TCF12: variants seen among roughly 807,000 people sequenced by gnomAD.
TCF12 encodes DNA-binding protein HTF4.
In TCF12, 45 loss-of-function variants were observed where a neutral mutation model predicts 86.0. The ratio of observed to expected loss-of-function variants is 0.52; its 90% CI spans 0.41 to 0.67. The LOEUF (loss-of-function observed/expected upper bound fraction) is 0.67. Ranked by LOEUF, TCF12 falls within the 30% of genes least tolerant of loss-of-function variation. The pLI is 0.00. For synonymous variants in TCF12, 330 were observed against 299.6 expected, an observed-to-expected ratio of 1.10 and a Z score of -1.05; for missense variants, 881 against 859.9, an observed-to-expected ratio of 1.02 and a Z score of -0.31.
chr15:56,926,567 T>G (rs1595708413), intron 3 of TCF12, among the ~76,000 whole-genome samples: 1 of 152,110 alleles, frequency 6.6e-6, no homozygotes, highest in East Asian at 1.9e-4. Flanking sequence ...AGCTGAGGAA[T>G]AGCATGAGGA....
chr15:57,277,877 C>T (rs1205409792), intron 19 of TCF12, among the ~76,000 whole-genome samples: 1 of 151,622 alleles, frequency 6.6e-6, no homozygotes, highest in African/African-American at 2.4e-5. Flanking sequence ...AAGATTGAGG[C>T]TGCAGTGAGC....
chr15:57,208,621 G>A (rs1172401543), intron 8 of TCF12, among the ~76,000 whole-genome samples: 2 of 151,730 alleles, frequency 1.3e-5, no homozygotes, highest in Admixed American at 1.3e-4. Context: ...CTGGACTCAA[G>A]CGATCCACCC....
chr15:56,919,742 G>T (rs906726008), intron 1 of TCF12, 150 bp from the exon 2 acceptor site: 3 of 618,702 alleles, frequency 4.8e-6, no homozygotes, highest in South Asian at 2.1e-5. Context: ...CCCGCCCCTT[G>T]CTCGCGCCGC....
intron 8 of TCF12, among the ~76,000 whole-genome samples, chr15:57,216,814 G>A (rs1247851455): frequency 1.3e-5 from 2 of 151,936 alleles, no homozygotes; most frequent in African/African-American, 2.4e-5. Flanking sequence ...TTTTTTGGGG[G>A]GTAAGGCAGA....
intron 6 of TCF12, among the ~76,000 whole-genome samples, chr15:57,179,297 C>T (rs2056171930): frequency 6.6e-6 from 1 of 152,082 alleles, no homozygotes; most frequent in African/African-American, 2.4e-5. Context: ...CCAGCCTGGC[C>T]AGCATAGTGA....
At chr15:57,195,328 T>G (rs1434248470) in intron 7 of TCF12, among the ~76,000 whole-genome samples, 2 of 152,170 alleles carry the variant, frequency 1.3e-5, no homozygotes, top group Non-Finnish European at 2.9e-5. Context: ...AAAAGAAAAA[T>G]TTCTTTTCAC....
intron 8 of TCF12, among the ~76,000 whole-genome samples, chr15:57,212,036 C>A (rs1044147760): frequency 2.0e-4 from 31 of 151,580 alleles, no homozygotes; most frequent in African/African-American, 7.5e-4. Context: ...CACCTGGTAT[C>A]ATCTATGCCA....
intron 6 of TCF12, among the ~76,000 whole-genome samples, chr15:57,187,064 C>T (rs1245032740): frequency 2.0e-5 from 3 of 151,952 alleles, no homozygotes; most frequent in Non-Finnish European, 4.4e-5. Flanking sequence ...ATCTGTAATC[C>T]CACTCCTTAG....
intron 5 of TCF12, among the ~76,000 whole-genome samples, chr15:57,116,141 G>A (rs1199474374): frequency 6.6e-6 from 1 of 152,104 alleles, no homozygotes; most frequent in Non-Finnish European, 1.5e-5. Context: ...CTTTTTACTT[G>A]ACACTATCAG....
chr15:57,062,363 C>G (rs1307406389), intron 3 of TCF12, among the ~76,000 whole-genome samples: 1 of 152,014 alleles, frequency 6.6e-6, no homozygotes, highest in African/African-American at 2.4e-5. Flanking sequence ...TTCACGTAAT[C>G]TCTGTGTTTT....
chr15:57,122,376 A>G (rs2051302191), intron 5 of TCF12, among the ~76,000 whole-genome samples: 1 of 152,186 alleles, frequency 6.6e-6, no homozygotes, highest in Non-Finnish European at 1.5e-5. Context: ...TGTAATTCTC[A>G]TTATAATGAT....
chr15:57,164,692 T>C (rs1393674716), intron 5 of TCF12, among the ~76,000 whole-genome samples: 2 of 152,140 alleles, frequency 1.3e-5, no homozygotes, highest in Admixed American at 6.5e-5. Flanking sequence ...TTTTTTGTTT[T>C]TTGTTTTGAG....
chr15:57,248,057 A>ACT (rs1566981078), intron 13 of TCF12: 1 of 703,116 alleles, frequency 1.4e-6, no homozygotes, highest in South Asian at 1.5e-5. Flanking sequence ...AGACCAGACA[A>ACT]CTGGACTCAT....
At chr15:57,079,899 C>T (rs1465781228) in intron 4 of TCF12, among the ~76,000 whole-genome samples, 2 of 152,220 alleles carry the variant, frequency 1.3e-5, no homozygotes, top group South Asian at 2.1e-4. Flanking sequence ...AAAGTATTAA[C>T]ATATTAATAG....
At chr15:57,040,592 T>G (rs1441488827) in intron 3 of TCF12, among the ~76,000 whole-genome samples, 1 of 152,206 alleles carries the variant, frequency 6.6e-6, no homozygotes, top group Non-Finnish European at 1.5e-5. Context: ...TAGGCTGGTA[T>G]TCAGTAGGAG....
chr15:57,214,793 G>T (rs2058265153), intron 8 of TCF12, among the ~76,000 whole-genome samples: 1 of 152,068 alleles, frequency 6.6e-6, no homozygotes, highest in Non-Finnish European at 1.5e-5. Flanking sequence ...AATTGGAACA[G>T]TTTTTTTCAT....
chr15:57,063,725 A>G, intron 3 of TCF12, 25 bp from the exon 4 acceptor site: 2 of 1,578,596 alleles, frequency 1.3e-6, no homozygotes, highest in East Asian at 2.3e-5. Context: ...TTTTAGATAT[A>G]TCTTTTATTT....
intron 5 of TCF12, among the ~76,000 whole-genome samples, chr15:57,132,121 G>C (rs550339595): frequency 1.3e-5 from 2 of 152,026 alleles, no homozygotes; most frequent in Admixed American, 6.6e-5. Flanking sequence ...ACTACACTCC[G>C]GTTTGGGTGA....
In TCF12 at chr15:57,288,785, G is replaced by A. The variant is rs2062012809; in HGVS notation, c.*2640G>A. ...CTAAAGATTGACCAAACAGCAACTA[G>A]TAGTTATAGAAAATCTACTCATTTG... On this transcript the variant is annotated 3_prime_UTR_variant, in exon 21 of 21. Transcript: ENST00000333725. 6.6e-6 allele frequency: 1 copy of A among 152,106 alleles called. No individual in the cohort carries two copies. Among genetic ancestry groups the A allele is most frequent in the South Asian group, 2.1e-4 (1 of 4,818 alleles). The allele number at this position is 152,106 out of a possible 1,614,324, so 9.4% of individuals were successfully genotyped here.
Sources: gnomAD v4.1 joint callset for allele counts (sites outside exome capture counted in the v4.1 genomes callset) on GRCh38, gnomAD v4.1.1 for gene constraint, MANE v1.5 for transcripts, NCBI Gene and HGNC (gene_info 2026-07-23, HGNC 2026-07-21) for gene names.